Variants in INO80 observed in about 807,000 individuals in gnomAD.
INO80 encodes the protein chromatin-remodeling ATPase INO80.
Under a neutral mutation model 203.4 loss-of-function variants are expected in INO80, and 20 were observed. The ratio of observed to expected loss-of-function variants is 0.10; its 90% CI spans 0.07 to 0.14. The LOEUF is 0.14. Among genes scored for constraint, INO80 ranks in the 10% least tolerant of loss-of-function variants. The probability of loss-of-function intolerance (pLI) is 1.00; values close to 1 mark genes in which losing one functional copy is unlikely to be tolerated. For synonymous variants in INO80, 726 were observed against 685.2 expected (o/e 1.06, Z -0.93); for missense variants, 1,419 against 1,914.4 (o/e 0.74, Z 4.83).
chr15:41,046,248 T>C (rs1342402779), intron 23 of INO80, among the ~76,000 whole-genome samples: 1 of 79,180 alleles, frequency 1.3e-5, no homozygotes, highest in African/African-American at 4.2e-5. Context: ...TATATATATA[T>C]ATATATATTC....
intron 29 of INO80, among the ~76,000 whole-genome samples, chr15:40,995,849 GA>G (rs748409882): frequency 4.6e-5 from 7 of 152,266 alleles, no homozygotes; most frequent in Non-Finnish European, 7.4e-5. Flanking sequence ...GAACCCACAG[GA>G]ACAACACATG....
At chr15:40,983,958 G>A (rs1415833873) in intron 33 of INO80, 37 bp from the exon 34 acceptor site, 4 of 1,605,672 alleles carry the variant, frequency 2.5e-6, no homozygotes, top group Non-Finnish European at 3.4e-6. Flanking sequence ...ACGACCCCCT[G>A]TGCTCACCGC....
rs537500235 is a variant in INO80 at position 41,083,629 on chromosome 15, G to A, written c.873+1740C>T. On this transcript the variant is annotated intron_variant, in intron 7 of 35. Transcript: ENST00000648947. Reference sequence around the variant, plus strand: ...CTTGGGAGGCAGAAGTGGGAGAATCGCTGAAACCCAGGAGGCAGAGGTTGC... The same window carrying A: ...CTTGGGAGGCAGAAGTGGGAGAATCACTGAAACCCAGGAGGCAGAGGTTGC... Among the ~76,000 whole-genome samples, 11 of 149,024 alleles carry A rather than the reference G, an allele frequency of 7.4e-5. No individual in the cohort carries two copies. In the Admixed American group the frequency reaches 7.5e-4, roughly 10 times the overall value.
intron 31 of INO80, among the ~76,000 whole-genome samples, chr15:40,986,046 T>A (rs1288410405): frequency 6.6e-6 from 1 of 152,222 alleles, no homozygotes; most frequent in African/African-American, 2.4e-5. Context: ...AATGTGAACT[T>A]ACTTTCTGCT....
At chr15:40,992,540 C>T (rs758488288) in intron 29 of INO80, among the ~76,000 whole-genome samples, 2 of 152,174 alleles carry the variant, frequency 1.3e-5, no homozygotes, top group Non-Finnish European at 2.9e-5. Context: ...TCTTCCTTGT[C>T]CATAAATGGT....
chr15:41,086,407 T>C (rs561084767), intron 6 of INO80, among the ~76,000 whole-genome samples: 75 of 152,244 alleles, frequency 4.9e-4, no homozygotes, highest in African/African-American at 1.7e-3. Flanking sequence ...TCCCAGCACT[T>C]TGAGAGGCCA....
intron 29 of INO80, among the ~76,000 whole-genome samples, chr15:40,994,691 C>A (rs188644798): frequency 4.1e-4 from 62 of 152,116 alleles, no homozygotes; most frequent in Middle Eastern, 6.8e-3. Context: ...TTTTCCATTT[C>A]TTTATGCTTT....
intron 14 of INO80, among the ~76,000 whole-genome samples, chr15:41,061,075 G>C (rs1377446709): frequency 6.6e-6 from 1 of 152,198 alleles, no homozygotes; most frequent in African/African-American, 2.4e-5. Context: ...GGGAGACTGA[G>C]GCTGGCAGAT....
rs577841650 is a variant in INO80, at chr15:41,073,140, CAA to C, written c.1395+286_1395+287del. On this transcript the variant is annotated intron_variant, in intron 11 of 35. Transcript: ENST00000648947. ...TCATACTGTATTGCCCATGATTACT[CAA>C]GAGAAAGAAAAAAAAATACAAACTG... Among the ~76,000 whole-genome samples the C allele has an allele frequency of 2.7e-3, 409 of 151,850 alleles. 3 individuals carry two copies. The highest frequency in any genetic ancestry group is 0.013 in the South Asian group (62 of 4,810).
intron 1 of INO80, among the ~76,000 whole-genome samples, chr15:41,110,272 G>A (rs1318324532): frequency 6.6e-6 from 1 of 151,542 alleles, no homozygotes; most frequent in African/African-American, 2.4e-5. Flanking sequence ...AGCCTCCCAA[G>A]TAGCTGGGAC....
chr15:41,069,511 GGA>G (rs2045278202), intron 14 of INO80, 57 bp downstream of exon 14: 2 of 1,021,020 alleles, frequency 2.0e-6, no homozygotes, highest in East Asian at 2.5e-5. Context: ...GGCAAGAAAA[GGA>G]GAGTCAAAAA....
At chr15:41,041,445 T>C (rs78916800) in intron 24 of INO80, among the ~76,000 whole-genome samples, 3 of 151,348 alleles carry the variant, frequency 2.0e-5, no homozygotes, top group Non-Finnish European at 4.4e-5. Context: ...TTTTTTTTTT[T>C]CTTTCTTTTT....
chr15:41,090,523 C>G (rs2045620976), intron 5 of INO80, among the ~76,000 whole-genome samples: 1 of 152,152 alleles, frequency 6.6e-6, no homozygotes, highest in South Asian at 2.1e-4. Context: ...CTGCAGTGAG[C>G]CAAGATCGCG....
chr15:40,982,389 T>C (rs1304179748), intron 35 of INO80, among the ~76,000 whole-genome samples: 7 of 152,222 alleles, frequency 4.6e-5, no homozygotes, highest in Admixed American at 2.0e-4. Context: ...CCTCAAGTGA[T>C]CTGCCTGCCT....
intron 18 of INO80, 54 bp downstream of exon 18, chr15:41,055,193 C>T (rs1370520486): frequency 1.2e-5 from 10 of 853,724 alleles, no homozygotes; most frequent in Admixed American, 9.7e-5. Flanking sequence ...TATGCAATTA[C>T]GTGGTTGCCT....
At chr15:41,023,204 C>A (rs1228093105) in intron 25 of INO80, 1 of 447,506 alleles carries the variant, frequency 2.2e-6, no homozygotes, top group African/African-American at 2.0e-5. Flanking sequence ...TAAATATGGA[C>A]CAAAAGAAAG....
chr15:41,104,741 T>C (rs1288077141), intron 1 of INO80, among the ~76,000 whole-genome samples: 1 of 152,116 alleles, frequency 6.6e-6, no homozygotes, highest in Admixed American at 6.6e-5. Flanking sequence ...GGTTTCACCA[T>C]GTTGGCCAGG....
At chr15:41,051,865 G>A (rs1265162219) in intron 19 of INO80, among the ~76,000 whole-genome samples, 3 of 152,204 alleles carry the variant, frequency 2.0e-5, no homozygotes, top group African/African-American at 7.2e-5. Flanking sequence ...GGCTGAGGCA[G>A]GCGAGTCGCT....
At chr15:41,000,346 G>C (rs2043942399) in intron 28 of INO80, among the ~76,000 whole-genome samples, 2 of 151,962 alleles carry the variant, frequency 1.3e-5, no homozygotes, top group African/African-American at 4.8e-5. Flanking sequence ...GGGACTGGTG[G>C]GAAAAGACAA....
Sources: gnomAD v4.1 joint callset for allele counts (sites outside exome capture counted in the v4.1 genomes callset) on GRCh38, gnomAD v4.1.1 for gene constraint, MANE v1.5 for transcripts, NCBI Gene and HGNC (gene_info 2026-07-23, HGNC 2026-07-21) for gene names.